Variants in FASN observed in about 807,000 individuals in gnomAD.
FASN encodes 3-hydroxyacyl-[acyl-carrier-protein] dehydratase.
In FASN, 50 loss-of-function variants were observed where a neutral mutation model predicts 250.0. The observed-to-expected ratio is 0.20, with a 90% CI of 0.16 to 0.25. The LOEUF is 0.25. Among genes scored for constraint, FASN ranks in the 10% least tolerant of loss-of-function variants. The pLI is 1.00. For missense variants in FASN, 3,031 were observed against 3,498.5 expected (o/e 0.87, Z 3.37); for synonymous variants, 1,909 against 1,584.0 (o/e 1.21, Z -4.87).
At chr17:82,082,288 C>T (rs375525691) in intron 35 of FASN, 35 bp downstream of exon 35, 103 of 1,610,054 alleles carry the variant, frequency 6.4e-5, no homozygotes, top group Non-Finnish European at 7.8e-5. Context: ...GCCCAGAGCC[C>T]GGCAGAGGCG....
Position 82,089,283 on chromosome 17 carries a change from G to A in FASN, c.2067C>T (p.Ala689=). 6 of 1,612,752 alleles carry A rather than the reference G, an allele frequency of 3.7e-6. No individual in the cohort carries two copies. The Middle Eastern group carries it at 6.6e-4, about 177-fold the overall frequency. The part of the protein sequence containing the change: ...GMAFHSYFME[A]IAPPLLQELK... The stretch of plus-strand genomic sequence containing the variant: ...GCTCCTGCAGCAGTGGGGGTGCGAT[G>A]GCCTCCATGAAGTAGGAGTGGAAGG... The change falls in exon 13 of 43, where the codon GCC becomes GCT. Residue 689 remains alanine, a synonymous_variant. Coordinates refer to ENST00000306749, the MANE Select transcript of FASN (RefSeq NM_004104.5).
rs1043402917 is a variant in FASN, at chr17:82,082,590, G to A, written c.5856C>T (p.Ala1952=). 1 of 1,610,118 alleles carries A rather than the reference G, an allele frequency of 6.2e-7. No homozygotes were observed. Among genetic ancestry groups the A allele is most frequent in the Non-Finnish European group, 8.5e-7 (1 of 1,179,882 alleles). Residue 1952 remains alanine, a synonymous_variant, in exon 34 of 43, where the codon GCC becomes GCT. Transcript: ENST00000306749. ...STSNISSLEG[A]RGLIAEAAQL... The stretch of plus-strand genomic sequence containing the variant: ...GCGCCGCCTCGGCAATGAGGCCCCG[G>A]GCCCCCTCCAGTGAGCTGATGTTGC...
rs771651079 is a variant in FASN, at chr17:82,091,453, G to C, written c.1261C>G (p.Pro421Ala). Reference protein sequence around the residue: ...PPAPAPHATLPRLLRASGRTP... With the variant: ...PPAPAPHATLARLLRASGRTP... The stretch of plus-strand genomic sequence containing the variant: ...CGTCCGCTGGCCCGCAGCAGACGGG[G>C]CAGGGTGGCATGTGGGGCGGGTGCG... Residue 421 changes from proline to alanine, a missense_variant, in exon 9 of 43, where the codon CCC becomes GCC. Coordinates refer to ENST00000306749, the MANE Select transcript of FASN (RefSeq NM_004104.5). 21 of 1,607,518 alleles carry C rather than the reference G, an allele frequency of 1.3e-5. 1 individual carries two copies. The South Asian group carries it at 2.3e-4, about 18-fold the overall frequency.
rs747653984 is a variant in FASN, at chr17:82,088,414, G to A, written c.2569C>T (p.Pro857Ser). ...CCGATGTTGTAGATGGCGGCTGAGG[G>A]GGAACCTGAACCGTTGGGGAAGTCC... is the stretch of plus-strand genomic sequence containing the variant. ...AEDFPNGSGS[P>S]SAAIYNIDTS... The change falls in exon 16 of 43, where the codon CCC becomes TCC. Residue 857 changes from proline to serine, a missense_variant. Transcript: ENST00000306749. 26 of 1,612,202 alleles carry A rather than the reference G, an allele frequency of 1.6e-5. No homozygotes were observed. The East Asian group carries it at 5.6e-4, about 35-fold the overall frequency.
intron 41 of FASN, 41 bp downstream of exon 41, chr17:82,080,099 G>C: frequency 1.9e-6 from 3 of 1,587,590 alleles, no homozygotes; most frequent in Non-Finnish European, 2.6e-6. Context: ...TTCCTGCCCA[G>C]TACTCTGGGT....
intron 37 of FASN, 32 bp from the exon 38 acceptor site, chr17:82,081,384 G>A: frequency 1.3e-6 from 2 of 1,560,364 alleles, no homozygotes; most frequent in Non-Finnish European, 1.7e-6. Context: ...GGCAACTCCA[G>A]AGGGGGCATG....
In FASN at chr17:82,091,380, C is replaced by G; in HGVS notation, c.1334G>C (p.Ser445Thr). Residue 445 changes from serine to threonine, a missense_variant, in exon 9 of 43, where the codon AGC becomes ACC. Ser to Thr is a moderately conservative substitution (Grantham distance 58). Transcript: ENST00000306749. ...CATGCTCAGGAAAGCCAGGTCCTGG[C>G]TGTGCCGGAGGCCCTGCTCCAGCAG... Reference protein sequence around the residue: ...QKLLEQGLRHSQDLAFLSMLN... With the variant: ...QKLLEQGLRHTQDLAFLSMLN... 1 of 1,611,130 alleles carries G rather than the reference C, an allele frequency of 6.2e-7. No individual in the cohort carries two copies.
In FASN at chr17:82,082,028, G is replaced by C; in HGVS notation, c.6144C>G (p.Arg2048=). ...NSAMERICEK[R]RHEGLPGLAV... is the part of the protein sequence containing the mutation. ...GCCCACCTGGGAGGCCTTCGTGCCGGCGTTTCTCACAGATACGCTCCATGG... is the reference window on the plus strand; with the variant it reads ...GCCCACCTGGGAGGCCTTCGTGCCGCCGTTTCTCACAGATACGCTCCATGG... The change falls in exon 36 of 43, where the codon CGC becomes CGG. Residue 2048 remains arginine (R), a synonymous_variant. Transcript: ENST00000306749. 2 of 1,609,522 alleles carry C rather than the reference G, an allele frequency of 1.2e-6. No individual in the cohort carries two copies. Among genetic ancestry groups the C allele is most frequent in the Middle Eastern group, 3.3e-4 (2 of 6,036 alleles).
Position 82,083,032 on chromosome 17 carries a change from G to A in FASN, c.5649C>T (p.Ala1883=), listed in dbSNP as rs777580071. ...MSAISKTFCP[A]HKSYIIAGGL... ...CACCAGCGATGATGTAGCTCTTGTG[G>A]GCCGGGCAGAAGGTCTTGGAGATGG... The change falls in exon 33 of 43, where the codon GCC becomes GCT. Residue 1883 remains alanine (A), a synonymous_variant. Coordinates refer to ENST00000306749, the MANE Select transcript of FASN (RefSeq NM_004104.5). 51 of 1,612,770 alleles carry A rather than the reference G, an allele frequency of 3.2e-5. No individual in the cohort carries two copies. The highest frequency in any genetic ancestry group is 3.8e-5 in the Non-Finnish European group (45 of 1,180,000).
chr17:82,087,685 C>T lies in FASN; in HGVS notation c.3043G>A (p.Gly1015Ser). ...GGGCAGCAGTGTAGTCAGTACCCAC[C>T]TTCCAGGCTGGCCTCCAGGATGCCC... Reference protein sequence around the residue: ...FQGILEASLEGDSGRLLWKDN... With the variant: ...FQGILEASLESDSGRLLWKDN... The change falls in exon 19 of 43, where the codon GGT becomes AGT. Residue 1015 changes from glycine to serine, a missense_variant and splice_region_variant. By Grantham distance (56) the Gly-to-Ser change is moderately conservative (BLOSUM62 0). Coordinates refer to ENST00000306749, the MANE Select transcript of FASN (RefSeq NM_004104.5). The T allele has an allele frequency of 6.2e-7, 1 of 1,611,318 alleles. No homozygotes were observed. Among genetic ancestry groups the T allele is most frequent in the Middle Eastern group, 1.7e-4 (1 of 5,850 alleles).
chr17:82,092,533 C>G lies in FASN; in HGVS notation c.951G>C (p.Gln317His), dbSNP rs2034229066. Reference sequence around the variant, plus strand: ...TGGTGGAGCCGATGAGCAGCGGCTCCTGGCGGGTGGCGCACAGGGCTCGGG... The same window carrying G: ...TGGTGGAGCCGATGAGCAGCGGCTCGTGGCGGGTGGCGCACAGGGCTCGGG... ...GITRALCATRQEPLLIGSTKS... is the reference protein window; with the variant it reads ...GITRALCATRHEPLLIGSTKS... The change falls in exon 8 of 43, where the codon CAG (glutamine) becomes CAC (histidine). Residue 317 changes from glutamine (Q) to histidine (H), a missense_variant. Gln to His is a conservative substitution (Grantham distance 24). Transcript: ENST00000306749. The G allele has an allele frequency of 6.2e-6, 10 of 1,605,546 alleles. No individual in the cohort carries two copies. The African/African-American group carries it at 1.1e-4, about 17-fold the overall frequency.
chr17:82,082,086 G>C lies in FASN; in HGVS notation c.6086C>G (p.Ala2029Gly), dbSNP rs139545909. 1.2e-6 allele frequency: 2 copies of C among 1,609,558 alleles called. No individual in the cohort carries two copies. The highest frequency in any genetic ancestry group is 8.5e-7 in the Non-Finnish European group (1 of 1,179,970). ...FSSVSCGRGN[A>G]GQSNYGFANS... is the part of the protein sequence containing the mutation. Reference sequence around the variant, plus strand: ...GGCAAAGCCGTAGTTGCTCTGTCCCGCATTGCCACGCCCGCAGCTCACAGA... The same window carrying C: ...GGCAAAGCCGTAGTTGCTCTGTCCCCCATTGCCACGCCCGCAGCTCACAGA... The change falls in exon 36 of 43, where the codon GCG becomes GGG. Residue 2029 changes from alanine to glycine, a missense_variant. Coordinates refer to ENST00000306749, the MANE Select transcript of FASN (RefSeq NM_004104.5).
rs775524924 is a variant in FASN, at chr17:82,095,303, G to A, written c.280+17C>T. 3 of 1,612,402 alleles carry A rather than the reference G, an allele frequency of 1.9e-6. No homozygotes were observed. The highest frequency in any genetic ancestry group is 1.6e-4 in the Middle Eastern group (1 of 6,062). The stretch of plus-strand genomic sequence containing the variant: ...AGCAGGAGCCCTCGGCGCAGCAGTC[G>A]CGAATGCCCGACCCACCTCCGTCCA... On this transcript the variant is annotated intron_variant, in intron 3 of 42. Coordinates refer to ENST00000306749, the MANE Select transcript of FASN (RefSeq NM_004104.5).
rs373700356 is a variant in FASN at position 82,093,033 on chromosome 17, C to A, written c.656-14G>T. On this transcript the variant is annotated splice_polypyrimidine_tract_variant and intron_variant, in intron 5 of 42. Coordinates refer to ENST00000306749, the MANE Select transcript of FASN (RefSeq NM_004104.5). ...AGTACCCATTCCCTGGGTAGAGCAG[C>A]ACCTCAGGCCCGGGGCTCAGCCCCA... The A allele has an allele frequency of 5.0e-6, 8 of 1,611,176 alleles. No homozygotes were observed. Among genetic ancestry groups the A allele is most frequent in the Non-Finnish European group, 6.8e-6 (8 of 1,179,730 alleles).
chr17:82,093,174 T>C (rs551181692), intron 5 of FASN, 45 bp downstream of exon 5: 4 of 1,542,590 alleles, frequency 2.6e-6, no homozygotes, highest in Middle Eastern at 2.3e-4. Flanking sequence ...GGGGCCGTCC[T>C]GTGCCACTGT....
At position 82,098,217 on chromosome 17, in the gene FASN, C is replaced by G. The variant is rs1273511411; in HGVS notation, c.-104G>C. 1 of 368,712 alleles carries G rather than the reference C, an allele frequency of 2.7e-6. No individual in the cohort carries two copies. Among genetic ancestry groups the G allele is most frequent in the South Asian group, 1.3e-4 (1 of 7,654 alleles). The allele number at this position is 368,712 out of a possible 1,614,324, so 22.8% of individuals were successfully genotyped here. On this transcript the variant is annotated 5_prime_UTR_variant, in exon 1 of 43. Coordinates refer to ENST00000306749, the MANE Select transcript of FASN (RefSeq NM_004104.5). ...GCGCGGCGGAGAGGGAGGCCGGGGC[C>G]GCTGCCGTCTCTCTGGCTCCCTCTA...
rs575272136 is a variant in FASN at position 82,092,109 on chromosome 17, G to A, written c.1029+346C>T. ...TAGTGGGTCAGGAAGCTGTAGGGAC[G>A]GGTGGGCGACACGGGAGACCCTGAT... On this transcript the variant is annotated intron_variant, in intron 8 of 42. Transcript: ENST00000306749. Among the ~76,000 whole-genome samples, 11 of 152,274 alleles carry A rather than the reference G, an allele frequency of 7.2e-5. No homozygotes were observed. The South Asian group carries it at 8.3e-4, about 11-fold the overall frequency.
At chr17:82,096,732 G>A (rs1485565367) in intron 1 of FASN, 1 of 483,372 alleles carries the variant, frequency 2.1e-6, no homozygotes, top group Non-Finnish European at 3.8e-6. Flanking sequence ...GAGCCCTGCA[G>A]CCCTGGCCTC....
chr17:82,083,991 G>A lies in FASN; in HGVS notation c.5082C>T (p.Arg1694=), dbSNP rs186001146. ...GGGCCTTACCCACGGTGGTGAAGAC[G>A]CGGCAGCCCAGACTGAGGGCGATGG... ...AIAIALSLGC[R]VFTTVGSAEK... The change falls in exon 29 of 43, where the codon CGC becomes CGT. Residue 1694 remains arginine (R), a synonymous_variant. Coordinates refer to ENST00000306749, the MANE Select transcript of FASN (RefSeq NM_004104.5). 3.5e-5 allele frequency: 54 copies of A among 1,539,424 alleles called. No homozygotes were observed. Among genetic ancestry groups the A allele is most frequent in the Middle Eastern group, 3.4e-4 (2 of 5,870 alleles).
Sources: allele counts gnomAD v4.1 joint callset (sites outside exome capture counted in the v4.1 genomes callset), GRCh38; gene constraint gnomAD v4.1.1; transcripts MANE v1.5; gene names NCBI Gene and HGNC (gene_info 2026-07-23, HGNC 2026-07-21).